TTC38: variants seen among roughly 807,000 people sequenced by gnomAD.
TTC38 encodes the protein tetratricopeptide repeat domain 38, also known as tetratricopeptide repeat protein 38.
Under a neutral mutation model 64.2 loss-of-function variants are expected in TTC38, and 64 were observed. That is an observed-to-expected ratio of 1.00 (90% confidence interval 0.81 to 1.23). The LOEUF (loss-of-function observed/expected upper bound fraction) is 1.23, where lower values mean the gene tolerates loss of function less well. Among genes scored for constraint, TTC38 ranks in the 50% most tolerant of loss-of-function variants. TTC38 has a pLI of 0.00. For synonymous variants in TTC38, 254 were observed against 249.3 expected, an observed-to-expected ratio of 1.02 and a Z score of -0.18; for missense variants, 573 against 615.5, an observed-to-expected ratio of 0.93 and a Z score of 0.73.
chr22:46,286,361 A>C (rs1412182084), intron 9 of TTC38, among the ~76,000 whole-genome samples: 3 of 152,160 alleles, frequency 2.0e-5, no homozygotes, highest in African/African-American at 7.2e-5. Context: ...AGGAAGCTGT[A>C]GTAAGAAATG....
Position 46,291,642 on chromosome 22 carries a change from T to A in TTC38, c.1317-1149T>A, listed in dbSNP as rs899654095. On this transcript the variant is annotated intron_variant, in intron 13 of 13. Coordinates refer to ENST00000381031, the MANE Select transcript of TTC38 (RefSeq NM_017931.4). The surrounding 1 kb of genome is among the most constrained non-coding windows in gnomAD (Gnocchi z 4.6). Reference sequence around the variant, plus strand: ...GTGTTTGGGGGCTGTCTTAGTCAGTTTGGGTTGTTATTTTAAAAGTGCCAC... The same window carrying A: ...GTGTTTGGGGGCTGTCTTAGTCAGTATGGGTTGTTATTTTAAAAGTGCCAC... Among the ~76,000 whole-genome samples, 2 of 152,072 alleles carry A rather than the reference T, an allele frequency of 1.3e-5. No individual in the cohort carries two copies. Among genetic ancestry groups the A allele is most frequent in the African/African-American group, 4.8e-5 (2 of 41,412 alleles).
chr22:46,285,101 A>G, intron 8 of TTC38, 140 bp from the exon 9 acceptor site: 3 of 715,326 alleles, frequency 4.2e-6, no homozygotes. Flanking sequence ...CCACCAAGAC[A>G]CCGTCCGTCC....
intron 12 of TTC38, 35 bp downstream of exon 12, chr22:46,289,596 C>T: frequency 6.4e-7 from 1 of 1,555,584 alleles, no homozygotes; most frequent in South Asian, 1.2e-5. Flanking sequence ...GTGCCTAGGG[C>T]CTGGGCCAGG....
chr22:46,278,621 A>C lies in TTC38; in HGVS notation c.575A>C (p.Glu192Ala). 1 of 1,614,124 alleles carries C rather than the reference A, an allele frequency of 6.2e-7. No individual in the cohort carries two copies. Among genetic ancestry groups the C allele is most frequent in the Non-Finnish European group, 8.5e-7 (1 of 1,180,008 alleles). Residue 192 changes from glutamate (E) to alanine (A), a missense_variant, in exon 6 of 14, where the codon GAA (glutamate) becomes GCA (alanine). Glu to Ala is a moderately radical substitution (Grantham distance 107). Around this residue, in one of 3 missense-constraint regions of TTC38, gnomAD observed 371 missense variants for 381.8 expected, o/e 0.97. Transcript: ENST00000381031. Reference sequence around the variant, plus strand: ...GGCATCTACTCTTTTGGCTTGATGGAAACCAACTTCTACGACCAGGCAGAA... The same window carrying C: ...GGCATCTACTCTTTTGGCTTGATGGCAACCAACTTCTACGACCAGGCAGAA... ...VKGIYSFGLM[E>A]TNFYDQAEKL...
chr22:46,271,876 G>A lies in TTC38; in HGVS notation c.112-459G>A, dbSNP rs983562647. Among the ~76,000 whole-genome samples, 10 of 152,190 alleles carry A rather than the reference G, an allele frequency of 6.6e-5. No homozygotes were observed. Among genetic ancestry groups the A allele is most frequent in the African/African-American group, 2.4e-4 (10 of 41,434 alleles). On this transcript the variant is annotated intron_variant, in intron 2 of 13. Transcript: ENST00000381031. The surrounding 1 kb of genome is among the most constrained non-coding windows in gnomAD (Gnocchi z 5.5). Reference sequence around the variant, plus strand: ...TCCCTAGCCCTAGAAAGTGTGCCTTGGGTGATGTGTATTTCATTTCTTCGT... The same window carrying A: ...TCCCTAGCCCTAGAAAGTGTGCCTTAGGTGATGTGTATTTCATTTCTTCGT...
rs2077537803 is a variant in TTC38 at position 46,281,884 on chromosome 22, A to G, written c.735+166A>G. On this transcript the variant is annotated intron_variant, in intron 7 of 13. Coordinates refer to ENST00000381031, the MANE Select transcript of TTC38 (RefSeq NM_017931.4). The surrounding 1 kb of genome is among the most constrained non-coding windows in gnomAD (Gnocchi z 5.2). ...GGTGTTTGGCTGCTGAGCAGAATGC[A>G]ATCAAGATTCCAGTCCCCACCCCAG... 2.2e-6 allele frequency: 2 copies of G among 928,856 alleles called. No homozygotes were observed. Among genetic ancestry groups the G allele is most frequent in the Admixed American group, 4.4e-5 (2 of 45,310 alleles). The allele number at this position is 928,856 out of a possible 1,614,324, so 57.5% of individuals were successfully genotyped here.
At chr22:46,278,716 A>G (rs1254788949) in intron 6 of TTC38, 55 bp downstream of exon 6, 1 of 1,423,462 alleles carries the variant, frequency 7.0e-7, no homozygotes, top group Non-Finnish European at 9.9e-7. Context: ...CGTTGGCTGG[A>G]CCAGGGCATA....
At chr22:46,289,641 C>T (rs1385109122) in intron 12 of TTC38, 80 bp downstream of exon 12, 1 of 1,521,662 alleles carries the variant, frequency 6.6e-7, no homozygotes. Context: ...AAGTTTCTCC[C>T]ATGGTGTTGG....
At position 46,293,157 on chromosome 22, in the gene TTC38, T is replaced by G; in HGVS notation, c.*273T>G. The stretch of plus-strand genomic sequence containing the variant: ...TTCCACCTGCCTTGCAAATTCTGTT[T>G]CCCAGGGGAATGTGTCTACTGCCTG... On this transcript the variant is annotated 3_prime_UTR_variant, in exon 14 of 14. Coordinates refer to ENST00000381031, the MANE Select transcript of TTC38 (RefSeq NM_017931.4). The surrounding 1 kb of genome is among the most constrained non-coding windows in gnomAD (Gnocchi z 6.6). 1 of 424,450 alleles carries G rather than the reference T, an allele frequency of 2.4e-6. No homozygotes were observed. The highest frequency in any genetic ancestry group is 4.4e-6 in the Non-Finnish European group (1 of 227,236). 26.3% of individuals were successfully genotyped at this position (424,450 alleles called of 1,614,324 possible).
Position 46,274,235 on chromosome 22 carries a change from A to G in TTC38, c.365+166A>G, listed in dbSNP as rs948193686. Among the ~76,000 whole-genome samples the G allele has an allele frequency of 7.3e-5, 11 of 151,668 alleles. No homozygotes were observed. The highest frequency in any genetic ancestry group is 2.4e-4 in the African/African-American group (10 of 41,284). ...AAAATCGCATCCTGTCTGCTTCCCTATTCTTGGTGGAGTGCTGAGTGAGGA... is the reference window on the plus strand; with the variant it reads ...AAAATCGCATCCTGTCTGCTTCCCTGTTCTTGGTGGAGTGCTGAGTGAGGA... On this transcript the variant is annotated intron_variant, in intron 4 of 13. Coordinates refer to ENST00000381031, the MANE Select transcript of TTC38 (RefSeq NM_017931.4). This position sits in a 1 kb window ranked among gnomAD's most constrained non-coding sequence, Gnocchi z 4.8.
At chr22:46,290,839 C>T (rs1331794189) in intron 13 of TTC38, among the ~76,000 whole-genome samples, 5 of 152,184 alleles carry the variant, frequency 3.3e-5, no homozygotes, top group East Asian at 3.9e-4. Flanking sequence ...CCAGCAGCTG[C>T]GTAGCCCGTG....
chr22:46,283,592 C>T (rs2077549979), intron 7 of TTC38, among the ~76,000 whole-genome samples: 1 of 152,082 alleles, frequency 6.6e-6, no homozygotes, highest in African/African-American at 2.4e-5. Flanking sequence ...TGGCTCATGC[C>T]TGTAATCCCA....
intron 8 of TTC38, among the ~76,000 whole-genome samples, chr22:46,284,747 C>T (rs770039680): frequency 3.3e-5 from 5 of 151,306 alleles, no homozygotes; most frequent in East Asian, 3.9e-4. Flanking sequence ...GGCATGGTGG[C>T]GCCTCCCTGT....
Position 46,271,477 on chromosome 22 carries a change from T to G in TTC38, c.112-858T>G, listed in dbSNP as rs2147784600. On this transcript the variant is annotated intron_variant, in intron 2 of 13. Transcript: ENST00000381031. This position sits in a 1 kb window ranked among gnomAD's most constrained non-coding sequence, Gnocchi z 5.5. Reference sequence around the variant, plus strand: ...ATCCGCCCACCTCGGCCTCCCAAAGTGCTGGGCTTACAGGCATGAGCCACC... The same window carrying G: ...ATCCGCCCACCTCGGCCTCCCAAAGGGCTGGGCTTACAGGCATGAGCCACC... Among the ~76,000 whole-genome samples, 1 of 152,092 alleles carries G rather than the reference T, an allele frequency of 6.6e-6. No individual in the cohort carries two copies. The highest frequency in any genetic ancestry group is 1.5e-5 in the Non-Finnish European group (1 of 67,980).
At chr22:46,279,199 G>A (rs977305156) in intron 6 of TTC38, among the ~76,000 whole-genome samples, 4 of 152,194 alleles carry the variant, frequency 2.6e-5, no homozygotes, top group Non-Finnish European at 5.9e-5. Context: ...TGGGTGGCAG[G>A]CTGCAGCTGT....
At position 46,284,000 on chromosome 22, in the gene TTC38, T is replaced by G; in HGVS notation, c.763T>G (p.Tyr255Asp). 6.3e-7 allele frequency: 1 copy of G among 1,593,728 alleles called. No individual in the cohort carries two copies. The highest frequency in any genetic ancestry group is 8.6e-7 in the Non-Finnish European group (1 of 1,168,510). The part of the protein sequence containing the change: ...KDSDMLACHN[Y>D]WHWALYLIEK... Reference sequence around the variant, plus strand: ...CTCTGATATGTTGGCTTGTCATAACTATTGGCACTGGGCTTTATATCTGAT... The same window carrying G: ...CTCTGATATGTTGGCTTGTCATAACGATTGGCACTGGGCTTTATATCTGAT... The change falls in exon 8 of 14, where the codon TAT becomes GAT. Residue 255 changes from tyrosine (Y) to aspartate (D), a missense_variant. By Grantham distance (160) the Tyr-to-Asp change is radical (BLOSUM62 -3). This residue lies in a region of TTC38 where 371 missense variants were observed against 381.8 expected (regional missense o/e 0.97). Coordinates refer to ENST00000381031, the MANE Select transcript of TTC38 (RefSeq NM_017931.4).
intron 8 of TTC38, 109 bp downstream of exon 8, chr22:46,284,141 T>A: frequency 1.1e-6 from 1 of 888,078 alleles, no homozygotes; most frequent in Non-Finnish European, 1.8e-6. Context: ...CCTGATGCAA[T>A]GGAGCATTAA....
rs1430370039 is a variant in TTC38 at position 46,268,584 on chromosome 22, T to C, written c.104T>C (p.Leu35Pro). 1.9e-6 allele frequency: 3 copies of C among 1,613,964 alleles called. No individual in the cohort carries two copies. Among genetic ancestry groups the C allele is most frequent in the Admixed American group, 3.3e-5 (2 of 60,030 alleles). Residue 35 changes from leucine (L) to proline (P), a missense_variant, in exon 2 of 14, where the codon CTG becomes CCG. Leu to Pro is a moderately conservative substitution (Grantham distance 98). Around this residue, in one of 3 missense-constraint regions of TTC38, gnomAD observed 134 missense variants for 126.5 expected, o/e 1.06. Transcript: ENST00000381031. ...NEACKLFDAT[L>P]TQYVKWTNDK... The stretch of plus-strand genomic sequence containing the variant: ...GCCTGCAAGCTGTTCGATGCCACGC[T>C]GACCCAGGTATGCCTGCCGAGAGAG...
At position 46,270,919 on chromosome 22, in the gene TTC38, G is replaced by A. The variant is rs1936880978; in HGVS notation, c.112-1416G>A. Among the ~76,000 whole-genome samples the A allele has an allele frequency of 6.6e-6, 1 of 150,944 alleles. No homozygotes were observed. Among genetic ancestry groups the A allele is most frequent in the Non-Finnish European group, 1.5e-5 (1 of 67,814 alleles). ...AAGGAGGGATTCTCCTACCAAGGCA[G>A]GAGAATTGCTTGAAACCTGGAGGCA... On this transcript the variant is annotated intron_variant, in intron 2 of 13. Coordinates refer to ENST00000381031, the MANE Select transcript of TTC38 (RefSeq NM_017931.4). This position sits in a 1 kb window ranked among gnomAD's most constrained non-coding sequence, Gnocchi z 4.7.
Sources: gnomAD v4.1 joint callset for allele counts (sites outside exome capture counted in the v4.1 genomes callset) on GRCh38, gnomAD v4.1.1 for gene constraint, gnomAD v4.1.1 regional missense constraint, Gnocchi (gnomAD v3.1) non-coding constraint, MANE v1.5 for transcripts, NCBI Gene and HGNC (gene_info 2026-07-23, HGNC 2026-07-21) for gene names.